Variants in RBMS3 observed in about 807,000 individuals in gnomAD.
The protein encoded by RBMS3 is RNA-binding motif, single-stranded-interacting protein 3.
In RBMS3, 27 loss-of-function variants were observed where a neutral mutation model predicts 66.8. The observed-to-expected ratio is 0.40, with a 90% CI of 0.30 to 0.56. The LOEUF is 0.56. Among genes scored for constraint, RBMS3 ranks in the 20% least tolerant of loss-of-function variants. RBMS3 has a pLI of 0.40. For missense variants in RBMS3, 513 were observed against 549.5 expected (o/e 0.93, Z 0.66); for synonymous variants, 188 against 183.0 (o/e 1.03, Z -0.22).
At chr3:29,931,218 T>A (rs550755135) in intron 10 of RBMS3, among the ~76,000 whole-genome samples, 1 of 152,338 alleles carries the variant, frequency 6.6e-6, no homozygotes, top group East Asian at 1.9e-4. Flanking sequence ...ACTTACTGCA[T>A]GCAATTCCTA....
At chr3:29,915,595 A>C (rs2060620718) in intron 10 of RBMS3, among the ~76,000 whole-genome samples, 1 of 151,982 alleles carries the variant, frequency 6.6e-6, no homozygotes, top group African/African-American at 2.4e-5. Context: ...TGTGGCTCAA[A>C]GATTTAACTT....
At chr3:29,887,071 C>T (rs2059889693) in intron 8 of RBMS3, among the ~76,000 whole-genome samples, 1 of 151,766 alleles carries the variant, frequency 6.6e-6, no homozygotes, top group Admixed American at 6.6e-5. Context: ...CATAAGCACC[C>T]ATTGGTGAAC....
chr3:29,961,001 T>G (rs138576017), intron 12 of RBMS3, among the ~76,000 whole-genome samples: 2 of 152,324 alleles, frequency 1.3e-5, no homozygotes, highest in South Asian at 4.1e-4. Flanking sequence ...TCATTACTTA[T>G]GCAATTTTCT....
intron 1 of RBMS3, among the ~76,000 whole-genome samples, chr3:29,421,168 A>G (rs1004882700): frequency 2.0e-5 from 3 of 152,054 alleles, no homozygotes; most frequent in African/African-American, 7.2e-5. Flanking sequence ...GCCAAGTTTT[A>G]CATCGTATTC....
chr3:29,896,942 CCTAACA>C, intron 8 of RBMS3, among the ~76,000 whole-genome samples: 1 of 151,742 alleles, frequency 6.6e-6, no homozygotes, highest in East Asian at 2.0e-4. Context: ...TGGACCTATG[CCTAACA>C]CAAAATATCC....
chr3:29,746,872 T>C (rs1449721940), intron 5 of RBMS3, among the ~76,000 whole-genome samples: 2 of 152,178 alleles, frequency 1.3e-5, no homozygotes, highest in South Asian at 2.1e-4. Flanking sequence ...AAAATAAAAA[T>C]GACCACATAC....
At chr3:29,904,257 C>T (rs2060323222) in intron 10 of RBMS3, among the ~76,000 whole-genome samples, 1 of 151,890 alleles carries the variant, frequency 6.6e-6, no homozygotes, top group Non-Finnish European at 1.5e-5. Context: ...GATTTTCCAC[C>T]TAGGATCCCT....
At chr3:29,541,354 C>T (rs1019933255) in intron 3 of RBMS3, among the ~76,000 whole-genome samples, 3 of 152,118 alleles carry the variant, frequency 2.0e-5, no homozygotes, top group Admixed American at 6.5e-5. Flanking sequence ...TGGAAGCTTT[C>T]CTAACTTAGT....
intron 1 of RBMS3, among the ~76,000 whole-genome samples, chr3:29,429,596 A>G (rs536791351): frequency 3.9e-5 from 6 of 152,186 alleles, no homozygotes; most frequent in Non-Finnish European, 8.8e-5. Flanking sequence ...ACCGCTTCTA[A>G]GCTGACACTG....
At chr3:29,552,459 G>C (rs1320184127) in intron 3 of RBMS3, among the ~76,000 whole-genome samples, 1 of 152,068 alleles carries the variant, frequency 6.6e-6, no homozygotes, top group Non-Finnish European at 1.5e-5. Flanking sequence ...AAATGGCCTG[G>C]TCTTCTTTTC....
At chr3:29,724,806 T>A (rs958486154) in intron 4 of RBMS3, among the ~76,000 whole-genome samples, 2 of 152,184 alleles carry the variant, frequency 1.3e-5, no homozygotes, top group Non-Finnish European at 2.9e-5. Context: ...AGGGGACAGA[T>A]ATCTAATTCT....
chr3:29,776,644 A>G (rs915049225), intron 6 of RBMS3, among the ~76,000 whole-genome samples: 2 of 152,028 alleles, frequency 1.3e-5, no homozygotes, highest in African/African-American at 4.8e-5. Context: ...TATTAGTAGC[A>G]TTATTAGTGG....
chr3:29,305,304 TCTTA>T (rs1315589591), intron 1 of RBMS3, among the ~76,000 whole-genome samples: 3 of 152,000 alleles, frequency 2.0e-5, no homozygotes, highest in African/African-American at 7.2e-5. Context: ...CTGTTTATTT[TCTTA>T]CTTGTTTGCT....
At chr3:29,713,134 C>T (rs1465334993) in intron 4 of RBMS3, among the ~76,000 whole-genome samples, 2 of 151,676 alleles carry the variant, frequency 1.3e-5, no homozygotes, top group African/African-American at 4.8e-5. Context: ...ATATAATATA[C>T]CACAGATTAC....
chr3:29,868,825 T>C lies in RBMS3; in HGVS notation c.638-33T>C, dbSNP rs781352077. ...AATCACTTAGTTTTTAAGGGGGAGT[T>C]GTTAATGTAGAATTGGTTTCTTATC... On this transcript the variant is annotated intron_variant, in intron 6 of 14. Coordinates refer to ENST00000383767, the MANE Select transcript of RBMS3 (RefSeq NM_001003793.3). The C allele has an allele frequency of 2.6e-6, 4 of 1,530,162 alleles. 1 individual carries two copies. Among genetic ancestry groups the C allele is most frequent in the Non-Finnish European group, 3.6e-6 (4 of 1,122,254 alleles). The allele number at this position is 1,530,162 out of a possible 1,614,324, so 94.8% of individuals were successfully genotyped here.
chr3:29,817,392 A>G (rs1448686710), intron 6 of RBMS3, among the ~76,000 whole-genome samples: 1 of 151,830 alleles, frequency 6.6e-6, no homozygotes, highest in Non-Finnish European at 1.5e-5. Context: ...TTTAATAGAG[A>G]CAGGTTTTTA....
chr3:29,577,843 T>C (rs1169988085), intron 3 of RBMS3, among the ~76,000 whole-genome samples: 1 of 152,208 alleles, frequency 6.6e-6, no homozygotes, highest in Non-Finnish European at 1.5e-5. Flanking sequence ...CCTCAATGTC[T>C]CTTTCAAGAT....
intron 4 of RBMS3, chr3:29,698,369 G>T (rs1202735685): frequency 2.0e-6 from 2 of 985,276 alleles, no homozygotes; most frequent in Non-Finnish European, 2.4e-6. Context: ...GTCTGAATGT[G>T]CTGTAAACCA....
At chr3:29,580,808 T>A (rs532401313) in intron 3 of RBMS3, among the ~76,000 whole-genome samples, 1 of 152,092 alleles carries the variant, frequency 6.6e-6, no homozygotes, top group Non-Finnish European at 1.5e-5. Context: ...GCACACAAAT[T>A]TCAGAATGCT....
Sources: gnomAD v4.1 joint callset for allele counts (sites outside exome capture counted in the v4.1 genomes callset) on GRCh38, gnomAD v4.1.1 for gene constraint, MANE v1.5 for transcripts, NCBI Gene and HGNC (gene_info 2026-07-23, HGNC 2026-07-21) for gene names.